The following ELFN1 variants were observed in gnomAD, a reference collection of about 807,000 sequenced individuals.
ELFN1 encodes the protein protein ELFN1.
In ELFN1, 6 loss-of-function variants were observed where a neutral mutation model predicts 7.6. That is an observed-to-expected ratio of 0.79 (90% CI 0.43 to 1.56). The LOEUF is 1.56. Among genes scored for constraint, ELFN1 ranks in the 40% most tolerant of loss-of-function variants. ELFN1 has a pLI of 0.01. For synonymous variants in ELFN1, 657 were observed against 588.1 expected (o/e 1.12, Z -1.70); for missense variants, 1,169 against 1,232.2 (o/e 0.95, Z 0.77).
chr7:1,678,922 G>T (rs890116690), intron 1 of ELFN1, among the ~76,000 whole-genome samples: 1 of 152,158 alleles, frequency 6.6e-6, no homozygotes, highest in Non-Finnish European at 1.5e-5. Context: ...TGCCAGAGTG[G>T]GTGATGTCAG....
chr7:1,690,235 GAAGA>G (rs2128579614), intron 2 of ELFN1, among the ~76,000 whole-genome samples: 1 of 152,080 alleles, frequency 6.6e-6, no homozygotes, highest in Admixed American at 6.5e-5. Context: ...TGAATGGATG[GAAGA>G]AAGATGAGTG....
intron 3 of ELFN1, among the ~76,000 whole-genome samples, chr7:1,743,199 G>A (rs1420512977): frequency 1.3e-5 from 2 of 152,166 alleles, no homozygotes; most frequent in Non-Finnish European, 2.9e-5. Context: ...CCTACAGCTC[G>A]GTCGCCACAT....
chr7:1,679,174 C>T (rs950578418), intron 1 of ELFN1, among the ~76,000 whole-genome samples: 15 of 141,490 alleles, frequency 1.1e-4, no homozygotes, highest in African/African-American at 3.0e-4. Flanking sequence ...CACACACGTA[C>T]GCGCGCACAC....
chr7:1,729,134 C>G (rs1356548263), intron 3 of ELFN1, among the ~76,000 whole-genome samples: 7 of 152,224 alleles, frequency 4.6e-5, no homozygotes, highest in African/African-American at 1.7e-4. Flanking sequence ...CTGCTCAACT[C>G]ACTGCCAGGA....
At chr7:1,671,170 G>GT (rs1778758855) in intron 1 of ELFN1, among the ~76,000 whole-genome samples, 2 of 138,180 alleles carry the variant, frequency 1.4e-5, no homozygotes, top group African/African-American at 5.4e-5. Context: ...ACCGCACACC[G>GT]CCCCCCCCCC....
At chr7:1,682,821 C>A (rs932705471) in intron 1 of ELFN1, among the ~76,000 whole-genome samples, 4 of 152,150 alleles carry the variant, frequency 2.6e-5, no homozygotes, top group African/African-American at 4.8e-5. Flanking sequence ...AGTCTTTCAC[C>A]ATATGATGGG....
intron 3 of ELFN1, among the ~76,000 whole-genome samples, chr7:1,733,269 G>A (rs1282380892): frequency 2.0e-5 from 3 of 152,168 alleles, no homozygotes; most frequent in Non-Finnish European, 4.4e-5. Flanking sequence ...ACCAGTCCCC[G>A]GGACACGCAG....
chr7:1,693,557 G>C (rs927785997), intron 2 of ELFN1: 1 of 471,146 alleles, frequency 2.1e-6, no homozygotes, highest in African/African-American at 2.0e-5. Context: ...GCCTGTGGAC[G>C]TAGCCTTGCT....
chr7:1,707,812 C>T (rs1779567355), intron 2 of ELFN1, among the ~76,000 whole-genome samples: 1 of 152,202 alleles, frequency 6.6e-6, no homozygotes, highest in South Asian at 2.1e-4. Context: ...TTACATGCCA[C>T]TCACTCATCT....
intron 1 of ELFN1, among the ~76,000 whole-genome samples, chr7:1,678,430 A>C (rs1171929984): frequency 6.6e-6 from 1 of 152,180 alleles, no homozygotes; most frequent in Non-Finnish European, 1.5e-5. Flanking sequence ...ATCTTCACAC[A>C]GCCCGGAGGG....
chr7:1,687,124 G>C (rs535870591), intron 1 of ELFN1, among the ~76,000 whole-genome samples: 5 of 152,164 alleles, frequency 3.3e-5, no homozygotes, highest in Non-Finnish European at 2.9e-5. Context: ...AACTGAGTTG[G>C]GGGGAGGTGC....
upstream of ELFN1, among the ~76,000 whole-genome samples, chr7:1,667,800 G>A (rs1334268962): frequency 1.3e-5 from 2 of 152,170 alleles, no homozygotes; most frequent in Non-Finnish European, 2.9e-5. This position sits in a 1 kb window ranked among gnomAD's most constrained non-coding sequence, Gnocchi z 8.2. Flanking sequence ...GGAGGGGCAG[G>A]GGGCGTGGAG....
Position 1,739,867 on chromosome 7 carries a change from G to A in ELFN1, c.-293-4437G>A, listed in dbSNP as rs1016655102. Among the ~76,000 whole-genome samples the A allele has an allele frequency of 2.0e-5, 3 of 152,168 alleles. No homozygotes were observed. The highest frequency in any genetic ancestry group is 7.2e-5 in the African/African-American group (3 of 41,438). On this transcript the variant is annotated intron_variant, in intron 3 of 3. Coordinates refer to ENST00000424383, the MANE Select transcript of ELFN1 (RefSeq NM_001128636.4). The surrounding 1 kb of genome is among the most constrained non-coding windows in gnomAD (Gnocchi z 4.6). ...GAGGATGGAAGAGGAGGTGAGGGAG[G>A]GGGATGGAAACTGCTGGCGATCCTT...
At position 1,670,498 on chromosome 7, in the gene ELFN1, C is replaced by G; in HGVS notation, c.-549+144C>G. Reference sequence around the variant, plus strand: ...GCGTGCGCCCCCAGCCCCTGCTGCGCCCCCAGGCCTGGCGCGCGATCCGAG... The same window carrying G: ...GCGTGCGCCCCCAGCCCCTGCTGCGGCCCCAGGCCTGGCGCGCGATCCGAG... On this transcript the variant is annotated intron_variant, in intron 1 of 3. Coordinates refer to ENST00000424383, the MANE Select transcript of ELFN1 (RefSeq NM_001128636.4). This position sits in a 1 kb window ranked among gnomAD's most constrained non-coding sequence, Gnocchi z 6.4. Among the ~76,000 whole-genome samples the G allele has an allele frequency of 6.6e-6, 1 of 151,722 alleles. No homozygotes were observed. Among genetic ancestry groups the G allele is most frequent in the East Asian group, 1.9e-4 (1 of 5,132 alleles).
chr7:1,666,301 G>A (rs1026943961), upstream of ELFN1, among the ~76,000 whole-genome samples: 4 of 151,878 alleles, frequency 2.6e-5, no homozygotes, highest in Admixed American at 1.3e-4. This position sits in a 1 kb window ranked among gnomAD's most constrained non-coding sequence, Gnocchi z 7.9. Flanking sequence ...GGCGGCGGGG[G>A]GCAGCGCAGG....
chr7:1,709,067 C>T (rs1276845398), intron 2 of ELFN1, 24 bp from the exon 3 acceptor site: 2 of 152,380 alleles, frequency 1.3e-5, no homozygotes, highest in South Asian at 2.1e-4. Flanking sequence ...TCTCCTCAAC[C>T]TCCTCCCCTC....
rs978688071 is a variant in ELFN1 at position 1,695,774 on chromosome 7, C to T, written c.-456+7624C>T. The stretch of plus-strand genomic sequence containing the variant: ...AAAAAAAAAAAAAAAAAAAAAAAAC[C>T]GTGCTGGTTTGGTTTCACTGACTCC... On this transcript the variant is annotated intron_variant, in intron 2 of 3. Transcript: ENST00000424383. This position sits in a 1 kb window ranked among gnomAD's most constrained non-coding sequence, Gnocchi z 5.1. Among the ~76,000 whole-genome samples the T allele has an allele frequency of 6.9e-6, 1 of 144,462 alleles. No homozygotes were observed. The highest frequency in any genetic ancestry group is 1.5e-5 in the Non-Finnish European group (1 of 66,618). The allele number at this position is 144,462 out of a possible 152,430, so 94.8% of individuals were successfully genotyped here. A position where few individuals can be genotyped will look rare whatever the true frequency, so the allele number is the denominator to read the frequency against.
intron 3 of ELFN1, among the ~76,000 whole-genome samples, chr7:1,729,021 G>C (rs1780267708): frequency 6.6e-6 from 1 of 152,214 alleles, no homozygotes; most frequent in South Asian, 2.1e-4. Flanking sequence ...CTGGGGAGCA[G>C]CCGGCTGCTC....
intron 3 of ELFN1, among the ~76,000 whole-genome samples, chr7:1,717,909 T>C (rs932039725): frequency 3.3e-5 from 5 of 152,106 alleles, no homozygotes; most frequent in Non-Finnish European, 7.4e-5. Flanking sequence ...CCCCCTCCCT[T>C]GTAATCTGCT....
Sources: allele counts gnomAD v4.1 joint callset (sites outside exome capture counted in the v4.1 genomes callset), GRCh38; gene constraint gnomAD v4.1.1; non-coding constraint Gnocchi (gnomAD v3.1); transcripts MANE v1.5; gene names NCBI Gene and HGNC (gene_info 2026-07-23, HGNC 2026-07-21).